STARD9: variants seen among roughly 807,000 people sequenced by gnomAD.
STARD9 encodes the protein stAR-related lipid transfer protein 9.
In STARD9, 346 loss-of-function variants were observed where a neutral mutation model predicts 399.8. The ratio of observed to expected loss-of-function variants is 0.87; its 90% CI spans 0.79 to 0.95. STARD9 has a LOEUF of 0.95. Ranked by LOEUF, STARD9 falls within the 40% of genes least tolerant of loss-of-function variation. STARD9 has a pLI of 0.00. For missense variants in STARD9, 5,832 were observed against 5,667.5 expected, an observed-to-expected ratio of 1.03 and a Z score of -0.93; for synonymous variants, 2,203 against 2,143.5, an observed-to-expected ratio of 1.03 and a Z score of -0.77.
intron 26 of STARD9, among the ~76,000 whole-genome samples, chr15:42,713,686 A>T (rs2061294396): frequency 6.6e-6 from 1 of 152,088 alleles, no homozygotes; most frequent in African/African-American, 2.4e-5. Context: ...AATATAGTGT[A>T]TTGCATTGAT....
In STARD9 at chr15:42,638,046, A is replaced by G; in HGVS notation, c.405A>G (p.Lys135=). Residue 135 remains lysine, a synonymous_variant, in exon 6 of 33, where the codon AAA becomes AAG. Transcript: ENST00000290607. ...RICEGLFVRE[K]DCASLPSSCR... is the part of the protein sequence containing the mutation. Reference sequence around the variant, plus strand: ...TGCAGGGTCTCTTCGTCAGGGAGAAAGACTGTGCCTCACTGCCTTCCTCCT... The same window carrying G: ...TGCAGGGTCTCTTCGTCAGGGAGAAGGACTGTGCCTCACTGCCTTCCTCCT... 6.5e-7 allele frequency: 1 copy of G among 1,537,366 alleles called. No homozygotes were observed. The highest frequency in any genetic ancestry group is 8.7e-7 in the Non-Finnish European group (1 of 1,146,948).
At chr15:42,625,070 A>G (rs776232450) in intron 3 of STARD9, among the ~76,000 whole-genome samples, 2 of 152,190 alleles carry the variant, frequency 1.3e-5, no homozygotes, top group African/African-American at 4.8e-5. Flanking sequence ...TCTGTCACCC[A>G]GGCTGGAGTA....
Position 42,712,128 on chromosome 15 carries a change from T to TTATATATAATATATATATATATAA in STARD9, c.13285-4549_13285-4548insTATATATAATATATATATATATAA, listed in dbSNP as rs2061253058. On this transcript the variant is annotated intron_variant, in intron 26 of 32. Coordinates refer to ENST00000290607, the MANE Select transcript of STARD9 (RefSeq NM_020759.3). Reference sequence around the variant, plus strand: ...TAATATATAATATATAATATATATATAAATGTGCCTTTGCCCATTTATATG... The same window carrying TTATATATAATATATATATATATAA: ...TAATATATAATATATAATATATATATTATATATAATATATATATATATAAAAATGTGCCTTTGCCCATTTATATG... Among the ~76,000 whole-genome samples the TTATATATAATATATATATATATAA allele has an allele frequency of 2.4e-4, 3 of 12,296 alleles. 1 individual carries two copies. The highest frequency in any genetic ancestry group is 4.7e-4 in the Non-Finnish European group (3 of 6,426). 8.1% of individuals were successfully genotyped at this position (12,296 alleles called of 152,430 possible).
At chr15:42,612,476 C>T (rs539858496) in intron 3 of STARD9, among the ~76,000 whole-genome samples, 43 of 152,282 alleles carry the variant, frequency 2.8e-4, no homozygotes, top group Non-Finnish European at 5.0e-4. Flanking sequence ...GCTGTGGGAA[C>T]GGCAAGAACT....
intron 3 of STARD9, among the ~76,000 whole-genome samples, chr15:42,630,339 G>C (rs552111149): frequency 6.6e-6 from 1 of 152,162 alleles, no homozygotes; most frequent in East Asian, 1.9e-4. Flanking sequence ...AATTTGGTTT[G>C]CTGGTATTTT....
chr15:42,607,552 C>T (rs1595623828), intron 3 of STARD9, among the ~76,000 whole-genome samples: 1 of 151,310 alleles, frequency 6.6e-6, no homozygotes, highest in African/African-American at 2.4e-5. Flanking sequence ...GTGGAGTACC[C>T]TAGGAATTCC....
At position 42,686,849 on chromosome 15, in the gene STARD9, A is replaced by G. The variant is rs2060570920; in HGVS notation, c.5271A>G (p.Thr1757=). 2.0e-6 allele frequency: 3 copies of G among 1,537,004 alleles called. 1 individual carries two copies. Among genetic ancestry groups the G allele is most frequent in the African/African-American group, 2.7e-5 (2 of 73,052 alleles). Residue 1757 remains threonine, a synonymous_variant, in exon 23 of 33, where the codon ACA becomes ACG. Transcript: ENST00000290607. ...FYVTKSRDAL[T]ETALEIPACR... is the part of the protein sequence containing the mutation. ...TGACCAAAAGCAGGGATGCCCTGAC[A>G]GAAACTGCCTTAGAGATTCCAGCTT...
chr15:42,577,253 A>T lies in STARD9; in HGVS notation c.47+1491A>T, dbSNP rs572298610. On this transcript the variant is annotated intron_variant, in intron 1 of 32. Coordinates refer to ENST00000290607, the MANE Select transcript of STARD9 (RefSeq NM_020759.3). ...ACTGCAAGCTCCGCCTCCCGGGTTC[A>T]CGCCATTCTCCTGCCTCAGCCTCCC... 4.2e-4 allele frequency among the ~76,000 whole-genome samples: 64 copies of T among 151,772 alleles called. 1 individual carries two copies. The South Asian group carries it at 8.7e-3, about 21-fold the overall frequency.
intron 3 of STARD9, among the ~76,000 whole-genome samples, chr15:42,627,915 C>G (rs183575477): frequency 6.6e-6 from 1 of 152,316 alleles, no homozygotes; most frequent in Non-Finnish European, 1.5e-5. Flanking sequence ...TTTTGACATA[C>G]TGATTTCATT....
At chr15:42,708,936 C>T (rs942252266) in intron 26 of STARD9, among the ~76,000 whole-genome samples, 1 of 151,750 alleles carries the variant, frequency 6.6e-6, no homozygotes, top group Non-Finnish European at 1.5e-5. Flanking sequence ...TTTTAGACAA[C>T]AAATAGTTTT....
At position 42,684,430 on chromosome 15, in the gene STARD9, C is replaced by T. The variant is rs897202399; in HGVS notation, c.2852C>T (p.Ser951Phe). The T allele has an allele frequency of 2.0e-6, 3 of 1,537,086 alleles. No homozygotes were observed. The highest frequency in any genetic ancestry group is 2.6e-6 in the Non-Finnish European group (3 of 1,146,932). ...CAGATGGTGAGCCAGGGCTTAGCATCTCTGAGGAAATCAGCTAACAAACTA... is the reference window on the plus strand; with the variant it reads ...CAGATGGTGAGCCAGGGCTTAGCATTTCTGAGGAAATCAGCTAACAAACTA... ...PHQMVSQGLA[S>F]LRKSANKLKP... is the part of the protein sequence containing the mutation. Residue 951 changes from serine (S) to phenylalanine (F), a missense_variant, in exon 23 of 33, where the codon TCT becomes TTT. Coordinates refer to ENST00000290607, the MANE Select transcript of STARD9 (RefSeq NM_020759.3).
chr15:42,680,001 T>G (rs2060392939), intron 20 of STARD9, among the ~76,000 whole-genome samples: 1 of 152,200 alleles, frequency 6.6e-6, no homozygotes. Flanking sequence ...CATGACATCC[T>G]GGGATTGTGG....
rs1489414393 is a variant in STARD9 at position 42,686,865 on chromosome 15, A to T, written c.5287A>T (p.Ile1763Phe). Residue 1763 changes from isoleucine (I) to phenylalanine (F), a missense_variant, in exon 23 of 33, where the codon ATT becomes TTT. Ile to Phe is a conservative substitution (Grantham distance 21, BLOSUM62 0). This residue lies in a region of STARD9 where 5,828 missense variants were observed against 5,651.1 expected (regional missense o/e 1.03). Coordinates refer to ENST00000290607, the MANE Select transcript of STARD9 (RefSeq NM_020759.3). Reference sequence around the variant, plus strand: ...TGCCCTGACAGAAACTGCCTTAGAGATTCCAGCTTGCAGAGAAGTAAGGGT... The same window carrying T: ...TGCCCTGACAGAAACTGCCTTAGAGTTTCCAGCTTGCAGAGAAGTAAGGGT... ...RDALTETALE[I>F]PACREVRVPS... 1 of 1,537,060 alleles carries T rather than the reference A, an allele frequency of 6.5e-7. No individual in the cohort carries two copies. Among genetic ancestry groups the T allele is most frequent in the South Asian group, 1.2e-5 (1 of 84,062 alleles).
Position 42,692,393 on chromosome 15 carries a change from C to T in STARD9, c.10815C>T (p.Pro3605=). 3 of 1,536,992 alleles carry T rather than the reference C, an allele frequency of 2.0e-6. No homozygotes were observed. The highest frequency in any genetic ancestry group is 1.7e-6 in the Non-Finnish European group (2 of 1,146,894). Residue 3605 remains proline (P), a synonymous_variant, in exon 23 of 33, where the codon CCC becomes CCT. Transcript: ENST00000290607. ...CAGACTGTCTGAGGAGTAAGCCCCC[C>T]TTGGCCAAAGGAAGTGCTGCAGGTC... ...GEADCLRSKP[P]LAKGSAAGPV...
chr15:42,664,817 C>T (rs1200081891), intron 13 of STARD9, among the ~76,000 whole-genome samples: 1 of 151,940 alleles, frequency 6.6e-6, no homozygotes, highest in Non-Finnish European at 1.5e-5. Context: ...CACACACACA[C>T]ACACACACCC....
rs781388324 is a variant in STARD9 at position 42,663,872 on chromosome 15, T to C, written c.1131T>C (p.Tyr377=). The C allele has an allele frequency of 2.6e-6, 4 of 1,537,040 alleles. No homozygotes were observed. The highest frequency in any genetic ancestry group is 2.4e-5 in the East Asian group (1 of 40,928). Residue 377 remains tyrosine, a synonymous_variant, in exon 13 of 33, where the codon TAT becomes TAC. Transcript: ENST00000290607. ...SYSETMSTLR[Y]ASSAKNIINK... is the part of the protein sequence containing the mutation. ...GTGAGACCATGAGCACACTGAGATATGCATCCAGTGCCAAAAACATTATCA... is the reference window on the plus strand; with the variant it reads ...GTGAGACCATGAGCACACTGAGATACGCATCCAGTGCCAAAAACATTATCA...
In STARD9 at chr15:42,640,593, G is replaced by A. The variant is rs139003800; in HGVS notation, c.559+1781G>A. 5.0e-4 allele frequency among the ~76,000 whole-genome samples: 76 copies of A among 152,104 alleles called. No homozygotes were observed. The East Asian group carries it at 0.013, about 26-fold the overall frequency. On this transcript the variant is annotated intron_variant, in intron 7 of 32. Transcript: ENST00000290607. ...TCCCAGCTCTTTGGGAGGCTGAGGC[G>A]GGCAGAACATGAGGTCAGGAGATTG... is the stretch of plus-strand genomic sequence containing the variant.
At chr15:42,697,061 C>T (rs2060861767) in intron 26 of STARD9, among the ~76,000 whole-genome samples, 1 of 152,182 alleles carries the variant, frequency 6.6e-6, no homozygotes, top group Non-Finnish European at 1.5e-5. Context: ...CATACAATGT[C>T]AGGCACATGT....
Position 42,593,654 on chromosome 15 carries a change from C to CCT in STARD9, c.234+8017_234+8018insCT, listed in dbSNP as rs2058444692. On this transcript the variant is annotated intron_variant, in intron 3 of 32. Transcript: ENST00000290607. ...TTTTAGTAGTAATATGGTTGTGCTTCTTTTTTTTTTTTTTTTTTTTTTTTT... is the reference window on the plus strand; with the variant it reads ...TTTTAGTAGTAATATGGTTGTGCTTCCTTTTTTTTTTTTTTTTTTTTTTTTTT... 6.0e-5 allele frequency among the ~76,000 whole-genome samples: 4 copies of CCT among 66,918 alleles called. No individual in the cohort carries two copies. In the East Asian group the frequency reaches 1.8e-3, roughly 30 times the overall value. 43.9% of individuals were successfully genotyped at this position (66,918 alleles called of 152,430 possible). A position where few individuals can be genotyped will look rare whatever the true frequency, so the allele number is the denominator to read the frequency against.
Sources: gnomAD v4.1 joint callset for allele counts (sites outside exome capture counted in the v4.1 genomes callset) on GRCh38, gnomAD v4.1.1 for gene constraint, gnomAD v4.1.1 regional missense constraint, MANE v1.5 for transcripts, NCBI Gene and HGNC (gene_info 2026-07-23, HGNC 2026-07-21) for gene names.